The following TEK variants were observed in gnomAD, a reference collection of about 807,000 sequenced individuals.
TEK encodes angiopoietin-1 receptor.
A neutral mutation model predicts 131.8 loss-of-function variants in TEK; 43 were observed. The observed-to-expected ratio is 0.33, with a 90% confidence interval of 0.26 to 0.42. The LOEUF (loss-of-function observed/expected upper bound fraction) is 0.42. Ranked by LOEUF, TEK falls within the 10% of genes least tolerant of loss-of-function variation. The pLI is 1.00. For synonymous variants in TEK, 580 were observed against 491.6 expected (o/e 1.18, Z -2.38); for missense variants, 1,162 against 1,384.4 (o/e 0.84, Z 2.55).
At chr9:27,114,588 AATTTAAT>A (rs1821477404) in intron 1 of TEK, among the ~76,000 whole-genome samples, 1 of 152,172 alleles carries the variant, frequency 6.6e-6, no homozygotes, top group African/African-American at 2.4e-5. Context: ...AATAAAAAAA[AATTTAAT>A]ATTAGGTTGG....
At chr9:27,185,457 T>G in intron 8 of TEK, 28 bp from the exon 9 acceptor site, 1 of 1,613,434 alleles carries the variant, frequency 6.2e-7, no homozygotes, top group Non-Finnish European at 8.5e-7. Flanking sequence ...CCTAGAAGTT[T>G]TTATTTTTTT....
chr9:27,109,541 TG>T lies in TEK; in HGVS notation c.-47del. 2.5e-6 allele frequency: 4 copies of T among 1,601,602 alleles called. No individual in the cohort carries two copies. Among genetic ancestry groups the T allele is most frequent in the Non-Finnish European group, 3.4e-6 (4 of 1,168,574 alleles). On this transcript the variant is annotated 5_prime_UTR_variant, in exon 1 of 23. Transcript: ENST00000380036. Reference sequence around the variant, plus strand: ...ACCGCTGGGTTTTTGAAAGGATCCTTGGGACCTCATGCACATTTGTGGAAAC... The same window carrying T: ...ACCGCTGGGTTTTTGAAAGGATCCTTGGACCTCATGCACATTTGTGGAAAC...
intron 18 of TEK, among the ~76,000 whole-genome samples, chr9:27,215,488 T>TC (rs1825788451): frequency 6.6e-6 from 1 of 151,952 alleles, no homozygotes; most frequent in African/African-American, 2.4e-5. Context: ...TTTTTAAAGA[T>TC]CCCCAGATGA....
chr9:27,133,859 T>A (rs976548791), intron 1 of TEK, among the ~76,000 whole-genome samples: 4 of 152,214 alleles, frequency 2.6e-5, no homozygotes, highest in African/African-American at 9.6e-5. Context: ...TCTGCTTAAA[T>A]AAAAACACAT....
chr9:27,157,785 A>G, intron 1 of TEK, 46 bp from the exon 2 acceptor site: 1 of 1,602,950 alleles, frequency 6.2e-7, no homozygotes, highest in Non-Finnish European at 8.5e-7. Context: ...CAATGGGGTC[A>G]TGTTAATAAC....
At chr9:27,152,426 A>AGC (rs1823161710) in intron 1 of TEK, among the ~76,000 whole-genome samples, 1 of 147,774 alleles carries the variant, frequency 6.8e-6, no homozygotes, top group Non-Finnish European at 1.5e-5. Context: ...AAAAAAAAAA[A>AGC]GCTAATTGGA....
intron 6 of TEK, among the ~76,000 whole-genome samples, chr9:27,174,759 T>G (rs1158210305): frequency 6.6e-6 from 1 of 152,032 alleles, no homozygotes; most frequent in African/African-American, 2.4e-5. Context: ...AGTGGAGAAA[T>G]CCCATCTGGC....
intron 17 of TEK, 95 bp downstream of exon 17, chr9:27,212,992 T>C (rs1564102555): frequency 7.6e-7 from 1 of 1,318,428 alleles, no homozygotes; most frequent in East Asian, 2.5e-5. Context: ...ACCTCTCTTC[T>C]TTAACTCCTT....
At chr9:27,195,635 A>T in intron 11 of TEK, 1 of 455,866 alleles carries the variant, frequency 2.2e-6, no homozygotes, top group Non-Finnish European at 4.4e-6. Context: ...TCAATTTACT[A>T]TTATTAACTG....
At chr9:27,133,515 C>G (rs1030567437) in intron 1 of TEK, among the ~76,000 whole-genome samples, 2 of 152,178 alleles carry the variant, frequency 1.3e-5, no homozygotes, top group Non-Finnish European at 2.9e-5. Flanking sequence ...ATGTCAGTGA[C>G]CATATGATGC....
At chr9:27,144,592 A>G (rs1822847658) in intron 1 of TEK, among the ~76,000 whole-genome samples, 1 of 152,232 alleles carries the variant, frequency 6.6e-6, no homozygotes, top group South Asian at 2.1e-4. Context: ...GTCGTTTGGA[A>G]GCACACAGGA....
Position 27,137,881 on chromosome 9 carries a change from C to G in TEK, c.53-19950C>G, listed in dbSNP as rs114236368. Among the ~76,000 whole-genome samples the G allele has an allele frequency of 4.1e-3, 621 of 152,268 alleles. 3 individuals carry two copies. Among genetic ancestry groups the G allele is most frequent in the African/African-American group, 0.014 (592 of 41,548 alleles). ...ATTCATTCCGGTGGGTTCTTGGTCT[C>G]ACTGTGGACCCTTGCGGTGAGTGTT... is the stretch of plus-strand genomic sequence containing the variant. On this transcript the variant is annotated intron_variant, in intron 1 of 22. Coordinates refer to ENST00000380036, the MANE Select transcript of TEK (RefSeq NM_000459.5).
intron 2 of TEK, among the ~76,000 whole-genome samples, chr9:27,163,910 C>A (rs1160847014): frequency 6.6e-6 from 1 of 152,202 alleles, no homozygotes; most frequent in Non-Finnish European, 1.5e-5. Context: ...TTTACTACCA[C>A]CTACTTTCTT....
chr9:27,202,799 TTTTTTC>T lies in TEK; in HGVS notation c.1910-15_1910-10del. The T allele has an allele frequency of 6.2e-7, 1 of 1,611,710 alleles. No individual in the cohort carries two copies. Among genetic ancestry groups the T allele is most frequent in the South Asian group, 1.1e-5 (1 of 91,026 alleles). On this transcript the variant is annotated splice_polypyrimidine_tract_variant and intron_variant, in intron 12 of 22. Transcript: ENST00000380036. The stretch of plus-strand genomic sequence containing the variant: ...CATGGTAGTATATCTTAAGTGAATC[TTTTTTC>T]TTTTTAATTTCTAGTTCTTCCTCCT...
At chr9:27,228,789 T>G (rs1826439303) in intron 22 of TEK, among the ~76,000 whole-genome samples, 1 of 151,882 alleles carries the variant, frequency 6.6e-6, no homozygotes, top group African/African-American at 2.4e-5. Flanking sequence ...AAAACCCAAG[T>G]GGTAATTCAA....
At chr9:27,202,250 C>T (rs890835607) in intron 12 of TEK, among the ~76,000 whole-genome samples, 1 of 152,140 alleles carries the variant, frequency 6.6e-6, no homozygotes, top group Non-Finnish European at 1.5e-5. Flanking sequence ...CACATTTTCT[C>T]ATGTATACAC....
intron 1 of TEK, among the ~76,000 whole-genome samples, chr9:27,128,863 TGAG>T (rs1305419970): frequency 6.6e-6 from 1 of 152,220 alleles, no homozygotes; most frequent in Admixed American, 6.5e-5. Context: ...CTTATCAGCT[TGAG>T]GAGATTTTGG....
chr9:27,161,758 G>A (rs577983557), intron 2 of TEK, among the ~76,000 whole-genome samples: 1 of 152,318 alleles, frequency 6.6e-6, no homozygotes, highest in East Asian at 1.9e-4. Flanking sequence ...CAACTGAGTG[G>A]TGTGGCTCAG....
intron 21 of TEK, among the ~76,000 whole-genome samples, chr9:27,221,215 C>T (rs1277040093): frequency 6.6e-6 from 1 of 152,236 alleles, no homozygotes; most frequent in Non-Finnish European, 1.5e-5. Flanking sequence ...CAGACTGCCT[C>T]TCTAGATTCT....
Sources: gnomAD v4.1 joint callset for allele counts (sites outside exome capture counted in the v4.1 genomes callset) on GRCh38, gnomAD v4.1.1 for gene constraint, MANE v1.5 for transcripts, NCBI Gene and HGNC (gene_info 2026-07-23, HGNC 2026-07-21) for gene names.